ARHGEF37: variants seen among roughly 807,000 people sequenced by gnomAD.
ARHGEF37 encodes Rho guanine nucleotide exchange factor (GEF) 37.
Under a neutral mutation model 71.1 loss-of-function variants are expected in ARHGEF37, and 55 were observed. The ratio of observed to expected loss-of-function variants is 0.77; its 90% CI spans 0.62 to 0.97. ARHGEF37 has a LOEUF of 0.97. Among genes scored for constraint, ARHGEF37 ranks in the 50% least tolerant of loss-of-function variants. ARHGEF37 has a pLI of 0.00. For missense variants in ARHGEF37, 765 were observed against 836.8 expected, an observed-to-expected ratio of 0.91 and a Z score of 1.06; for synonymous variants, 327 against 350.6, an observed-to-expected ratio of 0.93 and a Z score of 0.75.
chr5:149,622,089 G>C (rs1314430293), intron 9 of ARHGEF37, 27 bp downstream of exon 9: 1 of 1,566,492 alleles, frequency 6.4e-7, no homozygotes. Flanking sequence ...TTGGACACCT[G>C]TGGGGAGTAG....
At position 149,632,610 on chromosome 5, in the gene ARHGEF37, A is replaced by G. The variant is rs1404791622; in HGVS notation, c.*419A>G. 2.6e-5 allele frequency: 5 copies of G among 196,036 alleles called. No individual in the cohort carries two copies. Among genetic ancestry groups the G allele is most frequent in the Non-Finnish European group, 4.3e-5 (4 of 93,264 alleles). The allele number at this position is 196,036 out of a possible 1,614,324, so 12.1% of individuals were successfully genotyped here. On this transcript the variant is annotated 3_prime_UTR_variant, in exon 13 of 13. Transcript: ENST00000333677. ...GAAGCGGGTTCTGGAGGAGTCCAGA[A>G]CTGCCTGGTCAGACAGTTCACTTCC...
intron 2 of ARHGEF37, among the ~76,000 whole-genome samples, chr5:149,598,351 TTCTTCC>T (rs1478308123): frequency 1.2e-5 from 1 of 80,658 alleles, no homozygotes; most frequent in Non-Finnish European, 2.5e-5. Context: ...CTTCCTCTTC[TTCTTCC>T]TCTTCCTCTT....
intron 1 of ARHGEF37, among the ~76,000 whole-genome samples, chr5:149,568,305 G>C (rs1306000153): frequency 2.6e-5 from 4 of 152,198 alleles, no homozygotes; most frequent in Middle Eastern, 6.8e-3. Context: ...GTGATCATAG[G>C]CATGAGCCAC....
At chr5:149,609,724 T>C in intron 4 of ARHGEF37, 29 bp downstream of exon 4, 1 of 1,611,466 alleles carries the variant, frequency 6.2e-7, no homozygotes, top group Non-Finnish European at 8.5e-7. Flanking sequence ...GAGCACTCGC[T>C]CCTACCCCAC....
At chr5:149,587,904 T>C (rs1486973618) in intron 1 of ARHGEF37, among the ~76,000 whole-genome samples, 1 of 150,882 alleles carries the variant, frequency 6.6e-6, no homozygotes, top group African/African-American at 2.4e-5. Context: ...CTTTTTTTTT[T>C]TTTTTTTTTG....
At chr5:149,555,944 A>C (rs1561780264) in intron 1 of ARHGEF37, among the ~76,000 whole-genome samples, 1 of 152,076 alleles carries the variant, frequency 6.6e-6, no homozygotes, top group Non-Finnish European at 1.5e-5. Flanking sequence ...AGCAACATAG[A>C]CCACATCACT....
chr5:149,615,436 G>A (rs1342184510), intron 4 of ARHGEF37, among the ~76,000 whole-genome samples: 3 of 151,250 alleles, frequency 2.0e-5, no homozygotes, highest in East Asian at 3.9e-4. Flanking sequence ...ATACTATAAT[G>A]TGATAGATAC....
rs370382250 is a variant in ARHGEF37 at position 149,590,719 on chromosome 5, C to T, written c.-11-7040C>T. On this transcript the variant is annotated intron_variant, in intron 1 of 12. Coordinates refer to ENST00000333677, the MANE Select transcript of ARHGEF37 (RefSeq NM_001001669.3). Reference sequence around the variant, plus strand: ...CAGAGAATGGCTGCCACCTCAGACTCCAGAGTAGCTGGGACTCCAGATGTG... The same window carrying T: ...CAGAGAATGGCTGCCACCTCAGACTTCAGAGTAGCTGGGACTCCAGATGTG... Among the ~76,000 whole-genome samples the T allele has an allele frequency of 5.3e-4, 81 of 152,010 alleles. 1 individual carries two copies. The highest frequency in any genetic ancestry group is 1.9e-3 in the African/African-American group (78 of 41,464).
Position 149,624,080 on chromosome 5 carries a change from T to A in ARHGEF37, c.1404T>A (p.Ser468Arg). 1 of 1,612,030 alleles carries A rather than the reference T, an allele frequency of 6.2e-7. No homozygotes were observed. Among genetic ancestry groups the A allele is most frequent in the Non-Finnish European group, 8.5e-7 (1 of 1,178,364 alleles). Residue 468 changes from serine (S) to arginine (R), a missense_variant, in exon 10 of 13, where the codon AGT becomes AGA. This residue lies in a region of ARHGEF37 where 390 missense variants were observed against 407.4 expected (regional missense o/e 0.96). Coordinates refer to ENST00000333677, the MANE Select transcript of ARHGEF37 (RefSeq NM_001001669.3). The part of the protein sequence containing the change: ...KLVEDALGRT[S>R]NQLRSFQETF... Reference sequence around the variant, plus strand: ...TGGAGGACGCACTGGGCCGGACGAGTAACCAGCTTCGCTCCTTTCAAGAGA... The same window carrying A: ...TGGAGGACGCACTGGGCCGGACGAGAAACCAGCTTCGCTCCTTTCAAGAGA...
At chr5:149,552,615 ATCACT>A (rs1177870836) in intron 1 of ARHGEF37, among the ~76,000 whole-genome samples, 1 of 152,194 alleles carries the variant, frequency 6.6e-6, no homozygotes, top group East Asian at 1.9e-4. Flanking sequence ...GGGCGGGCAG[ATCACT>A]TGAGGTCAGT....
chr5:149,579,573 G>GTTA (rs147820026), upstream of ARHGEF37, among the ~76,000 whole-genome samples: 176 of 151,594 alleles, frequency 1.2e-3, no homozygotes, highest in Middle Eastern at 6.8e-3. Flanking sequence ...GGCAACTGAT[G>GTTA]TTATTATTAT....
upstream of ARHGEF37, among the ~76,000 whole-genome samples, chr5:149,578,936 T>C (rs1763056890): frequency 6.6e-6 from 1 of 152,184 alleles, no homozygotes. Context: ...GCATTAGAAA[T>C]GCCACTCAAA....
At chr5:149,612,678 A>G (rs951473392) in intron 4 of ARHGEF37, among the ~76,000 whole-genome samples, 1 of 152,232 alleles carries the variant, frequency 6.6e-6, no homozygotes, top group Non-Finnish European at 1.5e-5. Context: ...CATATGAGAC[A>G]TGGAACAATT....
At chr5:149,622,156 G>A (rs1752567000) in intron 9 of ARHGEF37, 94 bp downstream of exon 9, 2 of 1,302,756 alleles carry the variant, frequency 1.5e-6, no homozygotes, top group Admixed American at 5.3e-5. Flanking sequence ...AGGATGGAGG[G>A]AGGATGGGCC....
chr5:149,622,612 C>G (rs748174492), intron 9 of ARHGEF37, among the ~76,000 whole-genome samples: 2 of 152,124 alleles, frequency 1.3e-5, no homozygotes, highest in African/African-American at 2.4e-5. Context: ...AGTAGCTTGT[C>G]TAGGGCCACA....
intron 1 of ARHGEF37, among the ~76,000 whole-genome samples, chr5:149,566,982 GATACA>G (rs1762906710): frequency 6.6e-6 from 1 of 152,018 alleles, no homozygotes; most frequent in Non-Finnish European, 1.5e-5. Context: ...ATTTAATGTT[GATACA>G]ATACTATTGT....
At chr5:149,570,571 C>T (rs113232618) in intron 1 of ARHGEF37, among the ~76,000 whole-genome samples, 41,342 of 137,436 alleles carry the variant, frequency 0.3, 6,435 homozygotes, top group African/African-American at 0.41. Context: ...TGCGAAACTC[C>T]GCCTCAAAAA....
At chr5:149,620,072 C>CAAA (rs10716197) in intron 7 of ARHGEF37, among the ~76,000 whole-genome samples, 1 of 99,866 alleles carries the variant, frequency 1.0e-5, no homozygotes, top group Middle Eastern at 6.5e-3. Context: ...GACTCTGTCT[C>CAAA]AAAAAAAAAA....
At chr5:149,570,884 A>G (rs992726788) in intron 1 of ARHGEF37, among the ~76,000 whole-genome samples, 1 of 152,098 alleles carries the variant, frequency 6.6e-6, no homozygotes, top group African/African-American at 2.4e-5. Flanking sequence ...TCAAAAAAAA[A>G]AAAAGTTTAA....
Sources: gnomAD v4.1 joint callset for allele counts (sites outside exome capture counted in the v4.1 genomes callset) on GRCh38, gnomAD v4.1.1 for gene constraint, gnomAD v4.1.1 regional missense constraint, MANE v1.5 for transcripts, NCBI Gene and HGNC (gene_info 2026-07-23, HGNC 2026-07-21) for gene names.